Variants in RPTOR observed in about 807,000 individuals in gnomAD.
RPTOR encodes regulatory associated protein of MTOR complex 1.
A neutral mutation model predicts 169.9 loss-of-function variants in RPTOR; 21 were observed. The observed-to-expected ratio is 0.12, with a 90% confidence interval of 0.09 to 0.18. RPTOR has a LOEUF of 0.18. Among genes scored for constraint, RPTOR ranks in the 10% least tolerant of loss-of-function variants. The pLI is 1.00. For synonymous variants in RPTOR, 732 were observed against 753.2 expected (o/e 0.97, Z 0.46); for missense variants, 1,133 against 1,855.9 (o/e 0.61, Z 7.16).
At chr17:80,854,586 A>G (rs747161806) in intron 11 of RPTOR, among the ~76,000 whole-genome samples, 1 of 152,234 alleles carries the variant, frequency 6.6e-6, no homozygotes, top group Non-Finnish European at 1.5e-5. Flanking sequence ...TATTGATCAC[A>G]ATCTTCTTTA....
At chr17:80,629,611 A>G (rs1013478619) in intron 2 of RPTOR, among the ~76,000 whole-genome samples, 2 of 146,976 alleles carry the variant, frequency 1.4e-5, no homozygotes, top group African/African-American at 5.1e-5. Flanking sequence ...TCAGCTCTCT[A>G]TGTATTGCGT....
rs2067385858 is a variant in RPTOR, at chr17:80,822,115, C to G, written c.891-86C>G. On this transcript the variant is annotated intron_variant, in intron 7 of 33. Transcript: ENST00000306801. ...TCCCTCGCTCAGAGCCTTTCGCCGC[C>G]CGCGCCCTTTTTTCTTGCAACCTCT... The G allele has an allele frequency of 5.5e-6, 7 of 1,264,736 alleles. No homozygotes were observed. The South Asian group carries it at 7.2e-5, about 13-fold the overall frequency. The allele number at this position is 1,264,736 out of a possible 1,614,324, so 78.3% of individuals were successfully genotyped here.
At chr17:80,760,301 T>TTTC (rs1404692955) in intron 6 of RPTOR, among the ~76,000 whole-genome samples, 1 of 14,978 alleles carries the variant, frequency 6.7e-5, no homozygotes, top group Non-Finnish European at 2.5e-4. Flanking sequence ...TTCTTTTTTC[T>TTTC]TTTTTCTTTT....
chr17:80,856,834 T>C (rs764966350), intron 12 of RPTOR, among the ~76,000 whole-genome samples: 2 of 152,222 alleles, frequency 1.3e-5, no homozygotes, highest in East Asian at 1.9e-4. Context: ...CTTCTGCTCA[T>C]TGGAAATTTG....
At chr17:80,639,522 C>G (rs965243782) in intron 2 of RPTOR, among the ~76,000 whole-genome samples, 3 of 152,130 alleles carry the variant, frequency 2.0e-5, no homozygotes, top group African/African-American at 7.2e-5. Context: ...GTCCCCTCCC[C>G]CAGCTGCACT....
At chr17:80,792,107 G>C (rs932942547) in intron 7 of RPTOR, among the ~76,000 whole-genome samples, 1 of 152,088 alleles carries the variant, frequency 6.6e-6, no homozygotes, top group Non-Finnish European at 1.5e-5. Context: ...TTCAGGACCC[G>C]GAGCGTGGCC....
intron 1 of RPTOR, among the ~76,000 whole-genome samples, chr17:80,590,003 C>T (rs919232195): frequency 7.9e-5 from 12 of 152,316 alleles, no homozygotes; most frequent in South Asian, 4.1e-4. Context: ...CTATTAAATA[C>T]GATTTTTTGA....
chr17:80,730,356 T>C lies in RPTOR; in HGVS notation c.508-204T>C, dbSNP rs57816483. ...CCTGACCTCAGGTGATCCACCCATC[T>C]CAGCCTCCCAAAGTGCTGAGATTCA... On this transcript the variant is annotated intron_variant, in intron 4 of 33. Transcript: ENST00000306801. This position sits in a 1 kb window ranked among gnomAD's most constrained non-coding sequence, Gnocchi z 4.2. Among the ~76,000 whole-genome samples the C allele has an allele frequency of 0.27, 41,113 of 151,962 alleles. 5,652 individuals carry two copies. The highest frequency in any genetic ancestry group is 0.3 in the Middle Eastern group (89 of 294).
chr17:80,687,903 G>T (rs2065961162), intron 3 of RPTOR, among the ~76,000 whole-genome samples: 1 of 152,166 alleles, frequency 6.6e-6, no homozygotes, highest in Admixed American at 6.5e-5. Flanking sequence ...ATCGCCGCTG[G>T]CATACCCAGG....
intron 1 of RPTOR, among the ~76,000 whole-genome samples, chr17:80,595,672 G>C (rs55709908): frequency 0.059 from 8,935 of 152,254 alleles, 866 homozygotes; most frequent in African/African-American, 0.21. Context: ...GCCCAGGCTG[G>C]TCTCAAACTC....
intron 2 of RPTOR, among the ~76,000 whole-genome samples, chr17:80,635,655 G>A (rs886301187): frequency 6.6e-6 from 1 of 152,186 alleles, no homozygotes; most frequent in Non-Finnish European, 1.5e-5. Flanking sequence ...CTAGACCAGA[G>A]GGTATCGGGC....
intron 7 of RPTOR, among the ~76,000 whole-genome samples, chr17:80,812,194 A>C (rs1244454864): frequency 6.6e-6 from 1 of 152,220 alleles, no homozygotes; most frequent in African/African-American, 2.4e-5. Context: ...AAAATTGTTC[A>C]CTTTGTCCTT....
In RPTOR at chr17:80,923,700, C is replaced by G; in HGVS notation, c.2808+27C>G. The G allele has an allele frequency of 2.6e-6, 4 of 1,548,472 alleles. No individual in the cohort carries two copies. The South Asian group carries it at 4.9e-5, about 19-fold the overall frequency. Reference sequence around the variant, plus strand: ...TACGGGAGCCCGGCTGCCTGGTGATCTGGACACTGAGAGCGTTGCTTCTCA... The same window carrying G: ...TACGGGAGCCCGGCTGCCTGGTGATGTGGACACTGAGAGCGTTGCTTCTCA... On this transcript the variant is annotated intron_variant, in intron 23 of 33. Coordinates refer to ENST00000306801, the MANE Select transcript of RPTOR (RefSeq NM_020761.3).
chr17:80,770,946 G>A (rs1440563969), intron 6 of RPTOR, among the ~76,000 whole-genome samples: 3 of 152,234 alleles, frequency 2.0e-5, no homozygotes, highest in Non-Finnish European at 2.9e-5. Context: ...AGCATACAGC[G>A]TGTGCTGCCT....
In RPTOR at chr17:80,675,595, C is replaced by T. The variant is rs142744328; in HGVS notation, c.348+31785C>T. Among the ~76,000 whole-genome samples the T allele has an allele frequency of 1.7e-3, 254 of 152,344 alleles. 2 individuals carry two copies. The Middle Eastern group carries it at 0.037, about 22-fold the overall frequency. On this transcript the variant is annotated intron_variant, in intron 3 of 33. Coordinates refer to ENST00000306801, the MANE Select transcript of RPTOR (RefSeq NM_020761.3). The stretch of plus-strand genomic sequence containing the variant: ...TGCCAGCACGGGCCTTGGGCGTTGC[C>T]TCCTGCCCCTCAGGCCGCCCATGAC...
intron 14 of RPTOR, 89 bp downstream of exon 14, chr17:80,880,578 G>A: frequency 8.0e-7 from 1 of 1,253,942 alleles, no homozygotes; most frequent in Non-Finnish European, 1.2e-6. Context: ...CCTTTTGACG[G>A]GGGCTACAGG....
intron 13 of RPTOR, among the ~76,000 whole-genome samples, chr17:80,864,320 G>GCGTGATGGC (rs2067957420): frequency 1.4e-5 from 2 of 145,874 alleles, no homozygotes; most frequent in Admixed American, 6.9e-5. Flanking sequence ...GAAAAGGTGA[G>GCGTGATGGC]AGTGACGGCA....
intron 4 of RPTOR, among the ~76,000 whole-genome samples, chr17:80,712,162 T>C (rs2066199577): frequency 6.6e-6 from 1 of 152,216 alleles, no homozygotes; most frequent in Admixed American, 6.5e-5. Context: ...ATTGTTAATA[T>C]CTTGCTTTGG....
intron 10 of RPTOR, among the ~76,000 whole-genome samples, chr17:80,841,669 G>T: frequency 9.9e-6 from 1 of 101,288 alleles, no homozygotes; most frequent in African/African-American, 5.1e-5. Context: ...TCACCGCGCC[G>T]CAGCTCACAC....
Sources: gnomAD v4.1 joint callset for allele counts (sites outside exome capture counted in the v4.1 genomes callset) on GRCh38, gnomAD v4.1.1 for gene constraint, Gnocchi (gnomAD v3.1) non-coding constraint, MANE v1.5 for transcripts, NCBI Gene and HGNC (gene_info 2026-07-23, HGNC 2026-07-21) for gene names.